C10orf67: variants seen among roughly 807,000 people sequenced by gnomAD.
C10orf67 encodes the protein chromosome 10 open reading frame 67.
Under a neutral mutation model 35.6 loss-of-function variants are expected in C10orf67, and 60 were observed. The ratio of observed to expected loss-of-function variants is 1.68; its 90% CI spans 1.37 to 2.09. The LOEUF (loss-of-function observed/expected upper bound fraction) is 2.09. Ranked by LOEUF, C10orf67 falls within the 30% of genes most tolerant of loss-of-function variation. The pLI is 0.00. For missense variants in C10orf67, 474 were observed against 330.2 expected, an observed-to-expected ratio of 1.44 and a Z score of -3.38; for synonymous variants, 167 against 115.8, an observed-to-expected ratio of 1.44 and a Z score of -2.84.
At chr10:23,273,759 T>C (rs1231057646) in intron 8 of C10orf67, among the ~76,000 whole-genome samples, 1 of 152,186 alleles carries the variant, frequency 6.6e-6, no homozygotes, top group African/African-American at 2.4e-5. Context: ...CAACTAGGCA[T>C]ATATTGCCAG....
intron 7 of C10orf67, among the ~76,000 whole-genome samples, chr10:23,286,513 A>G (rs557434720): frequency 3.1e-5 from 2 of 64,274 alleles, no homozygotes; most frequent in Non-Finnish European, 5.9e-5. Flanking sequence ...GAGGGAGGGG[A>G]GGGAGGGAAG....
chr10:23,213,288 G>T (rs184844495), intron 15 of C10orf67, among the ~76,000 whole-genome samples: 4 of 152,288 alleles, frequency 2.6e-5, no homozygotes, highest in Admixed American at 2.6e-4. Context: ...CATAGAAAAT[G>T]TACAGGCAAT....
chr10:23,202,156 T>C (rs542923931), downstream of C10orf67: 3 of 152,382 alleles, frequency 2.0e-5, no homozygotes, highest in African/African-American at 7.2e-5. Flanking sequence ...TCATCCCCGG[T>C]ATTCTCCTCC....
chr10:23,338,187 A>G (rs1845758221), intron 1 of C10orf67, among the ~76,000 whole-genome samples: 1 of 152,200 alleles, frequency 6.6e-6, no homozygotes, highest in Non-Finnish European at 1.5e-5. Context: ...TTAAATAATT[A>G]GGCAAAATGA....
chr10:23,270,744 C>T (rs1842995359), intron 8 of C10orf67, among the ~76,000 whole-genome samples: 1 of 152,216 alleles, frequency 6.6e-6, no homozygotes, highest in South Asian at 2.1e-4. Flanking sequence ...GCTGTTCTAG[C>T]CCACCAGTTC....
intron 10 of C10orf67, chr10:23,258,335 T>C (rs1455449103): frequency 6.2e-6 from 1 of 162,192 alleles, no homozygotes; most frequent in Non-Finnish European, 1.4e-5. Flanking sequence ...CTTCCTAAGA[T>C]GCCTTAGAAG....
At chr10:23,223,127 T>A (rs977092865) in intron 15 of C10orf67, among the ~76,000 whole-genome samples, 1 of 152,166 alleles carries the variant, frequency 6.6e-6, no homozygotes, top group South Asian at 2.1e-4. Flanking sequence ...TCACCCAGGC[T>A]GGAGTACAGT....
chr10:23,236,062 C>T (rs1234749090), intron 13 of C10orf67, among the ~76,000 whole-genome samples: 3 of 152,020 alleles, frequency 2.0e-5, no homozygotes, highest in African/African-American at 7.2e-5. Flanking sequence ...TCCTGGCTAA[C>T]ACAGTGAAAC....
At chr10:23,284,102 G>A (rs1401032310) in intron 7 of C10orf67, among the ~76,000 whole-genome samples, 3 of 136,238 alleles carry the variant, frequency 2.2e-5, no homozygotes, top group Non-Finnish European at 4.7e-5. Flanking sequence ...GTTTTTAAGT[G>A]CATCCAGGGC....
intron 10 of C10orf67, among the ~76,000 whole-genome samples, chr10:23,251,516 A>G (rs762670097): frequency 1.2e-4 from 19 of 152,232 alleles, no homozygotes; most frequent in Non-Finnish European, 2.2e-4. Flanking sequence ...ATGAATCTCT[A>G]ATAGCTGAAT....
chr10:23,208,130 G>A (rs532367305), intron 15 of C10orf67, among the ~76,000 whole-genome samples: 3 of 152,276 alleles, frequency 2.0e-5, no homozygotes, highest in Non-Finnish European at 2.9e-5. Context: ...TTGCACGTAC[G>A]AATTTGAAAT....
chr10:23,223,476 GAAAAAA>G (rs1468351895), intron 15 of C10orf67, 116 bp downstream of exon 15: 1 of 662,518 alleles, frequency 1.5e-6, no homozygotes, highest in Non-Finnish European at 2.7e-6. Context: ...TAAAGTGGCT[GAAAAAA>G]GTCATGCATT....
At chr10:23,299,709 G>A (rs1844005423) in intron 5 of C10orf67, among the ~76,000 whole-genome samples, 1 of 152,158 alleles carries the variant, frequency 6.6e-6, no homozygotes, top group Non-Finnish European at 1.5e-5. Context: ...CGGGTGCAGT[G>A]GCTCATGCCT....
At chr10:23,223,090 T>A (rs536135253) in intron 15 of C10orf67, among the ~76,000 whole-genome samples, 17 of 152,092 alleles carry the variant, frequency 1.1e-4, no homozygotes, top group Middle Eastern at 3.4e-3. Context: ...TTTTTTTTTT[T>A]AAATTTAAAG....
intron 10 of C10orf67, among the ~76,000 whole-genome samples, chr10:23,263,746 G>A (rs1029359667): frequency 1.6e-4 from 25 of 152,126 alleles, no homozygotes; most frequent in African/African-American, 5.8e-4. Flanking sequence ...ACTCAGGGTC[G>A]GGAGAGGAAA....
intron 15 of C10orf67, among the ~76,000 whole-genome samples, chr10:23,219,739 T>C (rs1462625294): frequency 1.3e-5 from 2 of 152,234 alleles, no homozygotes; most frequent in Non-Finnish European, 2.9e-5. Context: ...AGGAAGGACA[T>C]ATCACCTGAT....
intron 4 of C10orf67, among the ~76,000 whole-genome samples, chr10:23,310,343 G>A (rs535826119): frequency 3.0e-4 from 45 of 152,280 alleles, no homozygotes; most frequent in African/African-American, 1.1e-3. Flanking sequence ...CTTAGATTTG[G>A]CAGTCTGCAG....
chr10:23,320,513 G>A (rs1844904364), intron 4 of C10orf67, among the ~76,000 whole-genome samples: 1 of 152,188 alleles, frequency 6.6e-6, no homozygotes, highest in Non-Finnish European at 1.5e-5. Flanking sequence ...TTTGGTACAT[G>A]CCCAGGTGTC....
intron 1 of C10orf67, among the ~76,000 whole-genome samples, chr10:23,341,576 TC>T: frequency 6.6e-6 from 1 of 152,108 alleles, no homozygotes; most frequent in African/African-American, 2.4e-5. Context: ...TCTTTTCCAA[TC>T]CCCTCATGGC....
Sources: gnomAD v4.1 joint callset for allele counts (sites outside exome capture counted in the v4.1 genomes callset) on GRCh38, gnomAD v4.1.1 for gene constraint, MANE v1.5 for transcripts, NCBI Gene and HGNC (gene_info 2026-07-23, HGNC 2026-07-21) for gene names.